Variants in VPS45 observed in about 807,000 individuals in gnomAD.
VPS45 encodes vacuolar protein sorting 45 homolog.
A neutral mutation model predicts 75.9 loss-of-function variants in VPS45; 35 were observed. The observed-to-expected ratio is 0.46, with a 90% CI of 0.35 to 0.61. VPS45 has a LOEUF of 0.61. VPS45 is among the 20% of genes least tolerant of loss of function. The pLI is 0.00. For synonymous variants in VPS45, 220 were observed against 238.2 expected, an observed-to-expected ratio of 0.92 and a Z score of 0.70; for missense variants, 559 against 685.9, an observed-to-expected ratio of 0.81 and a Z score of 2.07.
At chr1:150,095,831 AT>A (rs780383852) in intron 13 of VPS45, among the ~76,000 whole-genome samples, 5 of 151,440 alleles carry the variant, frequency 3.3e-5, no homozygotes, top group African/African-American at 9.7e-5. Context: ...TAGTAAAGAG[AT>A]TTTTTTTTAA....
At chr1:150,107,304 C>T (rs782287961) in intron 13 of VPS45, among the ~76,000 whole-genome samples, 1 of 152,130 alleles carries the variant, frequency 6.6e-6, no homozygotes. Context: ...GTCTTATGCA[C>T]AGTAAATGTC....
intron 13 of VPS45, among the ~76,000 whole-genome samples, chr1:150,108,587 C>T (rs1553806465): frequency 6.6e-6 from 1 of 151,936 alleles, no homozygotes; most frequent in African/African-American, 2.4e-5. Flanking sequence ...TAAAAGGATA[C>T]TGAAAAGTAG....
intron 14 of VPS45, among the ~76,000 whole-genome samples, chr1:150,111,834 T>C (rs1377211062): frequency 2.0e-5 from 3 of 152,188 alleles, no homozygotes; most frequent in Non-Finnish European, 2.9e-5. Flanking sequence ...TTTCAGGCCT[T>C]TTTTTAAGCC....
chr1:150,082,051 T>C, intron 9 of VPS45, 54 bp downstream of exon 9: 2 of 1,141,974 alleles, frequency 1.8e-6, no homozygotes, highest in South Asian at 1.4e-5. Context: ...GTACTATTCA[T>C]GTAAGCAACA....
At chr1:150,117,980 A>G (rs1553808759) in intron 14 of VPS45, among the ~76,000 whole-genome samples, 1 of 152,154 alleles carries the variant, frequency 6.6e-6, no homozygotes, top group Non-Finnish European at 1.5e-5. Context: ...TTGACTAATT[A>G]ATAGTGCTAT....
chr1:150,073,921 A>G (rs1553797511), intron 3 of VPS45, among the ~76,000 whole-genome samples: 3 of 152,100 alleles, frequency 2.0e-5, no homozygotes, highest in African/African-American at 7.2e-5. Context: ...ATGAAATCAT[A>G]CAGCATATAA....
chr1:150,142,825 G>A, intron 14 of VPS45: 1 of 448,946 alleles, frequency 2.2e-6, no homozygotes, highest in Non-Finnish European at 4.5e-6. Context: ...TCTAATTTTT[G>A]TATTTTTTAT....
intron 7 of VPS45, among the ~76,000 whole-genome samples, chr1:150,077,999 T>TCC (rs1553798523): frequency 6.6e-6 from 1 of 152,196 alleles, no homozygotes; most frequent in Non-Finnish European, 1.5e-5. Flanking sequence ...TGCCAGTACC[T>TCC]CCACCCCTAA....
chr1:150,115,416 CT>C (rs1311707830), intron 14 of VPS45, among the ~76,000 whole-genome samples: 2 of 152,120 alleles, frequency 1.3e-5, no homozygotes, highest in Non-Finnish European at 2.9e-5. Context: ...TTAGTATCCT[CT>C]TTTTTTCTCA....
Position 150,092,074 on chromosome 1 carries a change from T to G in VPS45, c.1242T>G (p.Gly414=). 4 of 1,613,566 alleles carry G rather than the reference T, an allele frequency of 2.5e-6. No individual in the cohort carries two copies. Among genetic ancestry groups the G allele is most frequent in the Non-Finnish European group, 3.4e-6 (4 of 1,179,744 alleles). Residue 414 remains glycine, a synonymous_variant, in exon 11 of 15, where the codon GGT becomes GGG. Transcript: ENST00000644510. The part of the protein sequence containing the change: ...PGLMMDLRNK[G]VSEKYRKLVS... The stretch of plus-strand genomic sequence containing the variant: ...TAATGATGGACCTCAGGAATAAAGG[T>G]GTTTCTGAGAAGTATCGAAAGGTAA...
At chr1:150,124,552 C>CCTT (rs1553810298) in intron 14 of VPS45, among the ~76,000 whole-genome samples, 2 of 140,218 alleles carry the variant, frequency 1.4e-5, no homozygotes, top group Non-Finnish European at 3.0e-5. Context: ...TTTCTTTTTT[C>CCTT]TTTTTTTTTT....
intron 14 of VPS45, among the ~76,000 whole-genome samples, chr1:150,119,710 G>A (rs964350178): frequency 6.6e-6 from 1 of 152,184 alleles, no homozygotes; most frequent in South Asian, 2.1e-4. Flanking sequence ...TCTTGTCACT[G>A]TGTGATGTAT....
chr1:150,124,208 C>G (rs1658382408), intron 14 of VPS45, among the ~76,000 whole-genome samples: 1 of 152,138 alleles, frequency 6.6e-6, no homozygotes. Context: ...CTCCTGTAAT[C>G]CCAGCACTTT....
At chr1:150,129,472 A>T (rs1453824429) in intron 14 of VPS45, among the ~76,000 whole-genome samples, 18 of 152,200 alleles carry the variant, frequency 1.2e-4, no homozygotes. Flanking sequence ...CAGCTAAGCA[A>T]AAAAATAGCC....
intron 14 of VPS45, among the ~76,000 whole-genome samples, chr1:150,136,771 TA>T (rs59528326): frequency 0.021 from 2,540 of 121,732 alleles, 56 homozygotes; most frequent in African/African-American, 0.067. Flanking sequence ...GAGCAAGATT[TA>T]AAAAAAAAAA....
chr1:150,099,013 G>T lies in VPS45; in HGVS notation c.1493+5365G>T, dbSNP rs1656819542. 4 of 1,102,344 alleles carry T rather than the reference G, an allele frequency of 3.6e-6. No homozygotes were observed. In the South Asian group the frequency reaches 6.4e-5, roughly 18 times the overall value. 68.3% of individuals were successfully genotyped at this position (1,102,344 alleles called of 1,614,324 possible). Reference sequence around the variant, plus strand: ...TTGCTACAGCTTATTTTTTGTTTCTGTGAAGCAGCAGTCCTTTTTCATTGG... The same window carrying T: ...TTGCTACAGCTTATTTTTTGTTTCTTTGAAGCAGCAGTCCTTTTTCATTGG... On this transcript the variant is annotated intron_variant, in intron 13 of 14. Coordinates refer to ENST00000644510, the MANE Select transcript of VPS45 (RefSeq NM_007259.5).
chr1:150,076,264 G>A lies in VPS45; in HGVS notation c.321G>A (p.Val107=), dbSNP rs1294818151. 1.9e-6 allele frequency: 3 copies of A among 1,608,198 alleles called. No individual in the cohort carries two copies. The highest frequency in any genetic ancestry group is 3.4e-5 in the Admixed American group (2 of 59,494). Residue 107 remains valine, a synonymous_variant, in exon 4 of 15, where the codon GTG becomes GTA. Transcript: ENST00000644510. The part of the protein sequence containing the change: ...YFSNVISKSD[V]KSLAEADEQE... ...GTAATGTGATCAGCAAGAGTGACGT[G>A]AAGTCATTGGCTGAAGCTGATGAAC...
Position 150,144,748 on chromosome 1 carries a change from A to G in VPS45, c.1665A>G (p.Arg555=). The G allele has an allele frequency of 3.1e-6, 5 of 1,614,202 alleles. No homozygotes were observed. Among genetic ancestry groups the G allele is most frequent in the Non-Finnish European group, 4.2e-6 (5 of 1,180,036 alleles). The part of the protein sequence containing the change: ...EEVLASGLHS[R]SKESSQVTSR... ...TTCTGGCTTCTGGACTGCACAGCCG[A>G]AGCAAGGAGAGCTCTCAAGTCACAT... The change falls in exon 15 of 15, where the codon CGA becomes CGG. Residue 555 remains arginine, a synonymous_variant. Transcript: ENST00000644510.
intron 14 of VPS45, among the ~76,000 whole-genome samples, chr1:150,114,059 C>A (rs1657790183): frequency 6.6e-6 from 1 of 152,088 alleles, no homozygotes; most frequent in African/African-American, 2.4e-5. Context: ...TTTTTAAATT[C>A]CCAAATTAAT....
Sources: allele counts gnomAD v4.1 joint callset (sites outside exome capture counted in the v4.1 genomes callset), GRCh38; gene constraint gnomAD v4.1.1; transcripts MANE v1.5; gene names NCBI Gene and HGNC (gene_info 2026-07-23, HGNC 2026-07-21).